The following HDAC9 variants were observed in gnomAD, a reference collection of about 807,000 sequenced individuals.
The protein encoded by HDAC9 is MEF-2 interacting transcription repressor (MITR) protein.
In HDAC9, 41 loss-of-function variants were observed where a neutral mutation model predicts 139.4. The observed-to-expected ratio is 0.29, with a 90% CI of 0.23 to 0.38. The LOEUF is 0.38. Among genes scored for constraint, HDAC9 ranks in the 10% least tolerant of loss-of-function variants. HDAC9 has a pLI of 1.00. For missense variants in HDAC9, 1,147 were observed against 1,297.0 expected, an observed-to-expected ratio of 0.88 and a Z score of 1.78; for synonymous variants, 517 against 476.2, an observed-to-expected ratio of 1.09 and a Z score of -1.12.
Position 18,579,666 on chromosome 7 carries a change from C to G in HDAC9, c.23-5615C>G, listed in dbSNP as rs568325659. On this transcript the variant is annotated intron_variant, in intron 2 of 25. Coordinates refer to ENST00000686413, the MANE Select transcript of HDAC9 (RefSeq NM_178425.4). ...ATTGCTGATATAACCAAGTTGTGGC[C>G]TCTGTAATTATGTATATTAACTGAA... 8.5e-5 allele frequency among the ~76,000 whole-genome samples: 13 copies of G among 152,230 alleles called. No individual in the cohort carries two copies. The South Asian group carries it at 2.5e-3, about 29-fold the overall frequency.
At chr7:18,140,856 A>C (rs1418993699) in intron 1 of HDAC9, among the ~76,000 whole-genome samples, 1 of 151,698 alleles carries the variant, frequency 6.6e-6, no homozygotes, top group South Asian at 2.1e-4. Flanking sequence ...TCTTTGACAC[A>C]GCATTTAATT....
chr7:18,545,965 T>C (rs3757716), intron 2 of HDAC9, among the ~76,000 whole-genome samples: 2,313 of 152,330 alleles, frequency 0.015, 37 homozygotes, highest in South Asian at 0.062. Context: ...TTGGTGCAAG[T>C]TTACTTCCTC....
chr7:18,182,744 A>T (rs139377560), intron 2 of HDAC9, among the ~76,000 whole-genome samples: 1 of 152,180 alleles, frequency 6.6e-6, no homozygotes, highest in Non-Finnish European at 1.5e-5. Context: ...TTAATTCCAG[A>T]GTTTGTATTG....
intron 17 of HDAC9, among the ~76,000 whole-genome samples, chr7:18,798,441 C>T (rs1215126202): frequency 6.6e-6 from 1 of 152,168 alleles, no homozygotes; most frequent in East Asian, 1.9e-4. Context: ...TGTTTTAACT[C>T]ATCGTATTTC....
intron 2 of HDAC9, among the ~76,000 whole-genome samples, chr7:18,542,052 G>A (rs987218137): frequency 6.6e-6 from 1 of 152,016 alleles, no homozygotes; most frequent in African/African-American, 2.4e-5. Flanking sequence ...TGGCCTCTAC[G>A]CCCTAGATGC....
chr7:18,968,329 C>A (rs755010179), intron 24 of HDAC9, among the ~76,000 whole-genome samples: 3 of 152,024 alleles, frequency 2.0e-5, no homozygotes, highest in Non-Finnish European at 4.4e-5. Context: ...AGTTAGAAAT[C>A]AAAAATATTC....
chr7:18,869,059 T>C lies in HDAC9; in HGVS notation c.2685-5419T>C, dbSNP rs73320039. The stretch of plus-strand genomic sequence containing the variant: ...TGTCAGTAAGTGCTTCTCTGAGTTC[T>C]GTGAAGCAGCTCTAGCAAATTAATC... On this transcript the variant is annotated intron_variant, in intron 21 of 25. Transcript: ENST00000686413. Among the ~76,000 whole-genome samples, 1,067 of 152,152 alleles carry C rather than the reference T, an allele frequency of 7.0e-3. 17 individuals carry two copies. Among genetic ancestry groups the C allele is most frequent in the African/African-American group, 0.024 (995 of 41,518 alleles).
At chr7:18,731,324 G>A (rs1420769497) in intron 13 of HDAC9, among the ~76,000 whole-genome samples, 4 of 152,040 alleles carry the variant, frequency 2.6e-5, no homozygotes, top group Non-Finnish European at 5.9e-5. Context: ...AGCGGACACA[G>A]ACACATTATA....
intron 13 of HDAC9, among the ~76,000 whole-genome samples, chr7:18,741,762 A>G (rs1460838657): frequency 6.6e-6 from 1 of 152,216 alleles, no homozygotes; most frequent in African/African-American, 2.4e-5. Flanking sequence ...TCACCATTCT[A>G]GATGCCATTA....
At chr7:18,494,082 A>G (rs1416264370), upstream of HDAC9, among the ~76,000 whole-genome samples, 1 of 152,112 alleles carries the variant, frequency 6.6e-6, no homozygotes, top group Admixed American at 6.6e-5. Context: ...TATTTGTAAT[A>G]TCAGATGGAA....
chr7:18,830,031 G>C (rs1795745839), intron 19 of HDAC9, among the ~76,000 whole-genome samples: 1 of 152,212 alleles, frequency 6.6e-6, no homozygotes, highest in South Asian at 2.1e-4. Flanking sequence ...TCAGATGCCA[G>C]TTTGGGATGA....
At chr7:18,692,766 A>G (rs1170359036) in intron 12 of HDAC9, among the ~76,000 whole-genome samples, 1 of 152,116 alleles carries the variant, frequency 6.6e-6, no homozygotes, top group Non-Finnish European at 1.5e-5. Flanking sequence ...TTCGCCAGCC[A>G]TTTATAAAAG....
At chr7:18,251,016 A>G (rs569406456) in intron 2 of HDAC9, among the ~76,000 whole-genome samples, 1 of 152,326 alleles carries the variant, frequency 6.6e-6, no homozygotes, top group South Asian at 2.1e-4. Flanking sequence ...ATATATACCC[A>G]AAGGAATATA....
intron 1 of HDAC9, among the ~76,000 whole-genome samples, chr7:18,461,162 CAG>C (rs968837653): frequency 1.8e-4 from 27 of 152,056 alleles, no homozygotes; most frequent in African/African-American, 6.3e-4. Flanking sequence ...CAGACATACG[CAG>C]ACTTTTCAGT....
In HDAC9 at chr7:18,715,763, G is replaced by T. The variant is rs576218926; in HGVS notation, c.1732-11817G>T. ...GTTGTAATTAGTGAGATTTTATTAT[G>T]GCCACTTACTCCATTTTTTCTTTAA... On this transcript the variant is annotated intron_variant, in intron 12 of 25. Coordinates refer to ENST00000686413, the MANE Select transcript of HDAC9 (RefSeq NM_178425.4). Among the ~76,000 whole-genome samples, 4 of 152,054 alleles carry T rather than the reference G, an allele frequency of 2.6e-5. No homozygotes were observed. In the East Asian group the frequency reaches 7.7e-4, roughly 29 times the overall value.
At chr7:18,773,786 A>C (rs189864691) in intron 16 of HDAC9, among the ~76,000 whole-genome samples, 1 of 152,204 alleles carries the variant, frequency 6.6e-6, no homozygotes, top group East Asian at 1.9e-4. Flanking sequence ...TTTTCATTTT[A>C]AGGTGAAGTA....
intron 16 of HDAC9, among the ~76,000 whole-genome samples, chr7:18,786,696 C>G (rs999652753): frequency 7.7e-6 from 1 of 129,604 alleles, no homozygotes; most frequent in East Asian, 2.1e-4. Context: ...TCACATATCC[C>G]TTTCTGTGTC....
chr7:18,734,773 A>G (rs1034600057), intron 13 of HDAC9, among the ~76,000 whole-genome samples: 3 of 152,202 alleles, frequency 2.0e-5, no homozygotes, highest in Non-Finnish European at 4.4e-5. Context: ...CACTAGGTCA[A>G]ATGGTATTTC....
intron 13 of HDAC9, among the ~76,000 whole-genome samples, chr7:18,733,211 GTC>G (rs1786535929): frequency 3.4e-5 from 5 of 146,874 alleles, no homozygotes; most frequent in Admixed American, 1.4e-4. Flanking sequence ...GTATACATGT[GTC>G]TATACGTATA....
Sources: allele counts gnomAD v4.1 joint callset (sites outside exome capture counted in the v4.1 genomes callset), GRCh38; gene constraint gnomAD v4.1.1; transcripts MANE v1.5; gene names NCBI Gene and HGNC (gene_info 2026-07-23, HGNC 2026-07-21).